Variants in CPPED1 observed in about 807,000 individuals in gnomAD.
The protein encoded by CPPED1 is calcineurin like phosphoesterase domain containing 1, also known as serine/threonine-protein phosphatase CPPED1.
CPPED1 carries 28 observed loss-of-function variants against 28.0 expected under a neutral mutation model. The ratio of observed to expected loss-of-function variants is 1.00; its 90% CI spans 0.74 to 1.37. The LOEUF is 1.37. CPPED1 is among the 40% of genes most tolerant of loss of function. CPPED1 has a pLI of 0.00. For missense variants in CPPED1, 504 were observed against 416.5 expected, an observed-to-expected ratio of 1.21 and a Z score of -1.83; for synonymous variants, 198 against 180.2, an observed-to-expected ratio of 1.10 and a Z score of -0.79.
intron 2 of CPPED1, among the ~76,000 whole-genome samples, chr16:12,722,170 C>T (rs751846833): frequency 6.2e-4 from 94 of 152,160 alleles, no homozygotes; most frequent in Non-Finnish European, 9.6e-4. Context: ...AGCAGGACAA[C>T]CTTAGTAAGC....
At chr16:12,665,592 G>A (rs2079821174) in intron 3 of CPPED1, among the ~76,000 whole-genome samples, 1 of 151,782 alleles carries the variant, frequency 6.6e-6, no homozygotes, top group Non-Finnish European at 1.5e-5. Flanking sequence ...AGGAGTTCGA[G>A]ACCAGCCTGG....
At chr16:12,719,770 A>C (rs1205699470) in intron 2 of CPPED1, among the ~76,000 whole-genome samples, 2 of 152,082 alleles carry the variant, frequency 1.3e-5, no homozygotes, top group African/African-American at 4.8e-5. Flanking sequence ...GCCTGTCTCT[A>C]CTAAAAATAC....
intron 2 of CPPED1, among the ~76,000 whole-genome samples, chr16:12,766,931 C>T (rs562191028): frequency 6.6e-6 from 1 of 152,038 alleles, no homozygotes; most frequent in Non-Finnish European, 1.5e-5. Context: ...GACAGCATTC[C>T]CAGGTGGGAG....
At chr16:12,732,939 C>T (rs2080206996) in intron 2 of CPPED1, among the ~76,000 whole-genome samples, 1 of 152,152 alleles carries the variant, frequency 6.6e-6, no homozygotes, top group Non-Finnish European at 1.5e-5. Flanking sequence ...GGTTCCTAGA[C>T]TAGACACAGA....
chr16:12,705,058 G>A lies in CPPED1; in HGVS notation c.290-9C>T, dbSNP rs747515370. ...CGTCCGCCACGGCTTCCCTGGAAGA[G>A]TGAGGGTCACGTCCTGAGAAAGCCA... On this transcript the variant is annotated splice_polypyrimidine_tract_variant and intron_variant, in intron 2 of 3. Coordinates refer to ENST00000381774, the MANE Select transcript of CPPED1 (RefSeq NM_018340.3). The A allele has an allele frequency of 4.4e-6, 7 of 1,601,320 alleles. No individual in the cohort carries two copies. In the South Asian group the frequency reaches 7.8e-5, roughly 18 times the overall value.
At chr16:12,772,630 G>A (rs1191651035) in intron 2 of CPPED1, among the ~76,000 whole-genome samples, 1 of 152,164 alleles carries the variant, frequency 6.6e-6, no homozygotes, top group Non-Finnish European at 1.5e-5. Flanking sequence ...TCAGATGTCT[G>A]GGACCCTTTT....
intron 2 of CPPED1, among the ~76,000 whole-genome samples, chr16:12,714,961 T>C (rs1230994483): frequency 2.7e-5 from 1 of 36,900 alleles, no homozygotes; most frequent in Non-Finnish European, 7.6e-5. Context: ...TTGAGTTCAT[T>C]TTTTTTTTTA....
At chr16:12,691,709 A>G (rs1303523752) in intron 3 of CPPED1, among the ~76,000 whole-genome samples, 1 of 151,478 alleles carries the variant, frequency 6.6e-6, no homozygotes, top group Non-Finnish European at 1.5e-5. Context: ...AACTATCGCA[A>G]GGACAAAAGA....
intron 1 of CPPED1, among the ~76,000 whole-genome samples, chr16:12,787,952 T>C (rs1489210143): frequency 6.6e-6 from 1 of 152,040 alleles, no homozygotes; most frequent in Non-Finnish European, 1.5e-5. Flanking sequence ...GCAGGATCCG[T>C]TTCCAAGCTC....
intron 2 of CPPED1, among the ~76,000 whole-genome samples, chr16:12,719,546 C>T (rs1228340063): frequency 6.6e-6 from 1 of 152,138 alleles, no homozygotes; most frequent in Admixed American, 6.5e-5. Flanking sequence ...TCTCCAGGAG[C>T]GAAGACGGAA....
At chr16:12,713,425 G>C (rs1416329155) in intron 2 of CPPED1, among the ~76,000 whole-genome samples, 1 of 152,112 alleles carries the variant, frequency 6.6e-6, no homozygotes, top group African/African-American at 2.4e-5. Context: ...GAGTGCAGTG[G>C]CGCAATCTCG....
intron 3 of CPPED1, among the ~76,000 whole-genome samples, chr16:12,667,454 C>T (rs1187666414): frequency 6.6e-6 from 1 of 152,108 alleles, no homozygotes; most frequent in Non-Finnish European, 1.5e-5. Flanking sequence ...ATAAAAACAA[C>T]CCTCAATAAA....
intron 3 of CPPED1, among the ~76,000 whole-genome samples, chr16:12,678,035 C>A (rs772879566): frequency 2.8e-4 from 43 of 152,182 alleles, no homozygotes; most frequent in Non-Finnish European, 5.7e-4. Flanking sequence ...GCCACCCTCA[C>A]TAATAAAGCA....
intron 1 of CPPED1, among the ~76,000 whole-genome samples, chr16:12,796,593 A>G (rs190455403): frequency 6.6e-6 from 1 of 152,350 alleles, no homozygotes; most frequent in East Asian, 1.9e-4. Context: ...TGGCAAGGAT[A>G]TGGAGAAACT....
At chr16:12,736,238 C>T (rs761959071) in intron 2 of CPPED1, among the ~76,000 whole-genome samples, 2 of 151,716 alleles carry the variant, frequency 1.3e-5, no homozygotes, top group African/African-American at 2.4e-5. Flanking sequence ...AAAGGTTAAA[C>T]ACCTTTGGAT....
chr16:12,791,716 C>A (rs992460426), intron 1 of CPPED1, among the ~76,000 whole-genome samples: 5 of 152,210 alleles, frequency 3.3e-5, no homozygotes, highest in African/African-American at 1.2e-4. Context: ...TGTCTCTTCC[C>A]AACCCCTTAA....
chr16:12,701,409 C>T (rs1421983270), intron 3 of CPPED1, among the ~76,000 whole-genome samples: 1 of 152,134 alleles, frequency 6.6e-6, no homozygotes, highest in Non-Finnish European at 1.5e-5. Flanking sequence ...TGGTGCGCGC[C>T]TGTAATCCCA....
intron 2 of CPPED1, among the ~76,000 whole-genome samples, chr16:12,748,143 C>T (rs975037981): frequency 1.3e-5 from 2 of 152,154 alleles, no homozygotes; most frequent in Admixed American, 6.5e-5. Context: ...CATATGGGCA[C>T]AGTAACAAAG....
At chr16:12,802,175 A>C (rs547078412) in intron 1 of CPPED1, among the ~76,000 whole-genome samples, 166 of 152,322 alleles carry the variant, frequency 1.1e-3, no homozygotes, top group Non-Finnish European at 5.9e-5. Context: ...AAAGGTTTGG[A>C]GAGGCAAAGG....
Sources: allele counts gnomAD v4.1 joint callset (sites outside exome capture counted in the v4.1 genomes callset), GRCh38; gene constraint gnomAD v4.1.1; transcripts MANE v1.5; gene names NCBI Gene and HGNC (gene_info 2026-07-23, HGNC 2026-07-21).